Variants in TRIP12 observed in about 807,000 individuals in gnomAD.
TRIP12 encodes the protein thyroid hormone receptor interactor 12.
TRIP12 carries 25 observed loss-of-function variants against 244.2 expected under a neutral mutation model. That is an observed-to-expected ratio of 0.10 (90% confidence interval 0.07 to 0.14). The LOEUF (loss-of-function observed/expected upper bound fraction) is 0.14. Among genes scored for constraint, TRIP12 ranks in the 10% least tolerant of loss-of-function variants. The pLI is 1.00. For missense variants in TRIP12, 1,677 were observed against 2,486.4 expected (o/e 0.67, Z 6.92); for synonymous variants, 905 against 873.1 (o/e 1.04, Z -0.64).
At chr2:229,899,831 A>C (rs1007501920) in intron 1 of TRIP12, among the ~76,000 whole-genome samples, 1 of 152,254 alleles carries the variant, frequency 6.6e-6, no homozygotes, top group South Asian at 2.1e-4. Context: ...TGAGCAATAT[A>C]TAACTGTGGA....
intron 1 of TRIP12, among the ~76,000 whole-genome samples, chr2:229,902,329 G>A (rs556950884): frequency 3.9e-5 from 6 of 152,174 alleles, no homozygotes; most frequent in African/African-American, 1.2e-4. Flanking sequence ...GCAGTGAGCC[G>A]AGATCGCGCC....
intron 20 of TRIP12, 50 bp from the exon 21 acceptor site, chr2:229,802,509 C>A: frequency 7.2e-7 from 1 of 1,384,288 alleles, no homozygotes; most frequent in Non-Finnish European, 1.0e-6. Context: ...AGGAGTAGAA[C>A]CTTCTCCCCA....
intron 1 of TRIP12, among the ~76,000 whole-genome samples, chr2:229,902,030 A>T (rs1222434701): frequency 6.6e-6 from 1 of 152,178 alleles, no homozygotes; most frequent in Non-Finnish European, 1.5e-5. Flanking sequence ...AAATCAATTT[A>T]GACCACTGGT....
intron 4 of TRIP12, among the ~76,000 whole-genome samples, chr2:229,847,552 TTACAA>T (rs1474110348): frequency 6.6e-6 from 1 of 152,204 alleles, no homozygotes; most frequent in African/African-American, 2.4e-5. Flanking sequence ...GACACTATTG[TTACAA>T]TACAATTTTA....
intron 1 of TRIP12, among the ~76,000 whole-genome samples, chr2:229,903,018 C>T (rs10186593): frequency 0.069 from 7,156 of 104,328 alleles, 599 homozygotes; most frequent in African/African-American, 0.18. Flanking sequence ...TTCTTTTTTT[C>T]TTTTTTTTTT....
At chr2:229,873,190 C>T (rs947313526) in intron 2 of TRIP12, among the ~76,000 whole-genome samples, 7 of 151,784 alleles carry the variant, frequency 4.6e-5, no homozygotes, top group Admixed American at 2.0e-4. Context: ...ATGGAGATAA[C>T]GTGACTAGAA....
chr2:229,839,571 C>G (rs146853700), intron 5 of TRIP12, among the ~76,000 whole-genome samples: 2 of 151,438 alleles, frequency 1.3e-5, no homozygotes, highest in Non-Finnish European at 2.9e-5. Flanking sequence ...CCCAGCTACT[C>G]GGGAGGCCGA....
rs754317740 is a variant in TRIP12, at chr2:229,777,401, C to G, written c.5443G>C (p.Asp1815His). ...GATCTGGCTACAACTGGGTCGATGT[C>G]AAACAAATCGTGTGATGTCAGTGAA... ...ETSLTSHDLF[D>H]IDPVVARSVY... is the part of the protein sequence containing the mutation. Residue 1815 changes from aspartate (D) to histidine (H), a missense_variant, in exon 37 of 42, where the codon GAC becomes CAC. Physicochemically the swap from Asp to His is moderately conservative, Grantham distance 81. This residue lies in a region of TRIP12 where 171 missense variants were observed against 388.4 expected (regional missense o/e 0.44). Transcript: ENST00000675903. 1 of 1,613,966 alleles carries G rather than the reference C, an allele frequency of 6.2e-7. No individual in the cohort carries two copies. The highest frequency in any genetic ancestry group is 8.5e-7 in the Non-Finnish European group (1 of 1,179,888).
Position 229,779,952 on chromosome 2 carries a change from CA to C in TRIP12, c.5095-963del, listed in dbSNP as rs758466556. Among the ~76,000 whole-genome samples the C allele has an allele frequency of 2.0e-4, 30 of 152,304 alleles. No individual in the cohort carries two copies. The Middle Eastern group carries it at 0.017, about 86-fold the overall frequency. ...TGCAGGTAGTGACAAGTTCATATCA[CA>C]GGTTATACTCTAAGTCTAACTGTAA... On this transcript the variant is annotated intron_variant, in intron 34 of 41. Transcript: ENST00000675903.
intron 1 of TRIP12, among the ~76,000 whole-genome samples, chr2:229,912,738 T>C (rs1305778048): frequency 6.6e-6 from 1 of 152,216 alleles, no homozygotes; most frequent in African/African-American, 2.4e-5. Flanking sequence ...AGTCGTAAGT[T>C]TCAACTCATC....
intron 34 of TRIP12, 52 bp downstream of exon 34, chr2:229,785,705 T>A: frequency 1.3e-6 from 2 of 1,520,572 alleles, no homozygotes; most frequent in East Asian, 2.3e-5. Flanking sequence ...AAATAACATT[T>A]AATTAAGAGC....
At chr2:229,803,722 T>G in intron 19 of TRIP12, 33 bp from the exon 20 acceptor site, 1 of 1,477,836 alleles carries the variant, frequency 6.8e-7, no homozygotes, top group East Asian at 2.3e-5. Context: ...TATAAAACTC[T>G]GCCTGAATTT....
upstream of TRIP12, among the ~76,000 whole-genome samples, chr2:229,922,972 T>C (rs1465562705): frequency 3.3e-5 from 5 of 152,202 alleles, no homozygotes; most frequent in Non-Finnish European, 7.3e-5. Flanking sequence ...AAAGAACGAC[T>C]CAGCCAAGTG....
chr2:229,851,466 G>C (rs887806541), intron 4 of TRIP12, among the ~76,000 whole-genome samples: 1 of 152,144 alleles, frequency 6.6e-6, no homozygotes, highest in South Asian at 2.1e-4. Context: ...CAGACCACTC[G>C]GCTCTACCAA....
chr2:229,817,511 TA>T (rs1302708095), intron 9 of TRIP12, among the ~76,000 whole-genome samples: 4 of 152,228 alleles, frequency 2.6e-5, no homozygotes, highest in Non-Finnish European at 5.9e-5. Flanking sequence ...AAGCTGTTAA[TA>T]AATCTATCAT....
At position 229,840,810 on chromosome 2, in the gene TRIP12, AAAAC is replaced by A. The variant is rs753647717; in HGVS notation, c.1133+8_1133+11del. 109 of 1,556,284 alleles carry A rather than the reference AAAAC, an allele frequency of 7.0e-5. No individual in the cohort carries two copies. Among genetic ancestry groups the A allele is most frequent in the Non-Finnish European group, 9.1e-5 (105 of 1,157,680 alleles). On this transcript the variant is annotated splice_region_variant and intron_variant, in intron 5 of 41. Coordinates refer to ENST00000675903, the MANE Select transcript of TRIP12 (RefSeq NM_001348323.3). ...AAAATGAACTCACTATAAAAAAAAA[AAAAC>A]AAATTACCTGGTACTAGCACAGGAG...
chr2:229,864,893 A>C (rs972521469), intron 2 of TRIP12, among the ~76,000 whole-genome samples: 2 of 152,290 alleles, frequency 1.3e-5, no homozygotes, highest in South Asian at 4.1e-4. Flanking sequence ...CATAGTATTG[A>C]CTGTACCCTT....
intron 1 of TRIP12, among the ~76,000 whole-genome samples, chr2:229,895,165 T>G (rs2068457790): frequency 6.6e-6 from 1 of 152,146 alleles, no homozygotes; most frequent in African/African-American, 2.4e-5. Flanking sequence ...GAAAAACTAT[T>G]AAATGTTACA....
In TRIP12 at chr2:229,765,347, T is replaced by C. The variant is rs1574611081; in HGVS notation, c.*2207A>G. On this transcript the variant is annotated 3_prime_UTR_variant, in exon 42 of 42. Transcript: ENST00000675903. ...GTAACAGCAAATGAAGTATATACTT[T>C]TTCCCTCTGGTGCAATAAGGCCTCT... 1 of 152,200 alleles carries C rather than the reference T, an allele frequency of 6.6e-6. No homozygotes were observed. Among genetic ancestry groups the C allele is most frequent in the Non-Finnish European group, 1.5e-5 (1 of 68,038 alleles). The allele number at this position is 152,200 out of a possible 1,614,324, so 9.4% of individuals were successfully genotyped here. A position where few individuals can be genotyped will look rare whatever the true frequency, so the allele number is the denominator to read the frequency against.
Sources: gnomAD v4.1 joint callset for allele counts (sites outside exome capture counted in the v4.1 genomes callset) on GRCh38, gnomAD v4.1.1 for gene constraint, gnomAD v4.1.1 regional missense constraint, MANE v1.5 for transcripts, NCBI Gene and HGNC (gene_info 2026-07-23, HGNC 2026-07-21) for gene names.